Variants in ALPK1 observed in about 807,000 individuals in gnomAD.
ALPK1 encodes alpha kinase 1.
A neutral mutation model predicts 120.6 loss-of-function variants in ALPK1; 110 were observed. That is an observed-to-expected ratio of 0.91 (90% CI 0.78 to 1.07). The LOEUF is 1.07. Among genes scored for constraint, ALPK1 ranks in the 50% least tolerant of loss-of-function variants. The pLI is 0.00. For missense variants in ALPK1, 1,498 were observed against 1,483.9 expected (o/e 1.01, Z -0.16); for synonymous variants, 582 against 560.3 (o/e 1.04, Z -0.55).
chr4:112,357,643 C>A, intron 2 of ALPK1: 1 of 1,608,220 alleles, frequency 6.2e-7, no homozygotes. Context: ...CATCGACAAG[C>A]ACCAGATCTG....
rs556836912 is a variant in ALPK1, at chr4:112,306,673, A to T, written c.-152-9128A>T. On this transcript the variant is annotated intron_variant, in intron 1 of 15. Transcript: ENST00000650871. ...TTATTAGTCTTGCTAGTGGTCTATC[A>T]ATTTTGTTGATCTTTTCAAAAAACC... is the stretch of plus-strand genomic sequence containing the variant. 4.6e-4 allele frequency among the ~76,000 whole-genome samples: 68 copies of T among 148,852 alleles called. 1 individual carries two copies. Among genetic ancestry groups the T allele is most frequent in the African/African-American group, 1.6e-3 (65 of 40,366 alleles).
intron 2 of ALPK1, among the ~76,000 whole-genome samples, chr4:112,355,376 G>A (rs1730555140): frequency 6.6e-6 from 1 of 152,184 alleles, no homozygotes; most frequent in South Asian, 2.1e-4. Flanking sequence ...GCCAGTGGGG[G>A]AGACAGCGAC....
intron 1 of ALPK1, among the ~76,000 whole-genome samples, chr4:112,303,723 T>A (rs1165085216): frequency 6.6e-6 from 1 of 152,132 alleles, no homozygotes; most frequent in African/African-American, 2.4e-5. Context: ...ATCTTTTTTT[T>A]TTTTAATCAT....
intron 2 of ALPK1, among the ~76,000 whole-genome samples, chr4:112,331,321 G>T (rs1463282364): frequency 6.6e-6 from 1 of 152,062 alleles, no homozygotes; most frequent in Non-Finnish European, 1.5e-5. Flanking sequence ...TTTACATGGG[G>T]CACAAGTATT....
intron 2 of ALPK1, among the ~76,000 whole-genome samples, chr4:112,337,033 A>G (rs1393939897): frequency 1.3e-5 from 2 of 152,132 alleles, no homozygotes; most frequent in Admixed American, 6.5e-5. Context: ...ATAGTTTATT[A>G]TACTTCTAAA....
rs1035798520 is a variant in ALPK1 at position 112,304,646 on chromosome 4, A to G, written c.-153+7177A>G. Among the ~76,000 whole-genome samples the G allele has an allele frequency of 5.9e-5, 9 of 152,078 alleles. 1 individual carries two copies. Among genetic ancestry groups the G allele is most frequent in the Admixed American group, 3.3e-4 (5 of 15,280 alleles). Reference sequence around the variant, plus strand: ...TCCAAGTTCTTTGTAGATTCTGGATATTAGCCCTTTGTCAAATAAGTAGAT... The same window carrying G: ...TCCAAGTTCTTTGTAGATTCTGGATGTTAGCCCTTTGTCAAATAAGTAGAT... On this transcript the variant is annotated intron_variant, in intron 1 of 15. Coordinates refer to ENST00000650871, the MANE Select transcript of ALPK1 (RefSeq NM_025144.4).
At chr4:112,358,795 T>C in intron 2 of ALPK1, 4 of 827,600 alleles carry the variant, frequency 4.8e-6, no homozygotes, top group Non-Finnish European at 6.5e-6. Context: ...ATGGTGGCCA[T>C]GAAGTAGGAG....
chr4:112,350,882 T>C (rs1730324156), intron 2 of ALPK1, among the ~76,000 whole-genome samples: 1 of 152,198 alleles, frequency 6.6e-6, no homozygotes, highest in Non-Finnish European at 1.5e-5. Context: ...AGTATCATGA[T>C]AGTTCTGGAT....
At chr4:112,371,828 T>C (rs1731420493) in intron 2 of ALPK1, among the ~76,000 whole-genome samples, 1 of 152,198 alleles carries the variant, frequency 6.6e-6, no homozygotes, top group Admixed American at 6.5e-5. Context: ...TATGTAAGGG[T>C]TCTCAAAAGA....
chr4:112,417,586 A>G (rs1331483246), intron 5 of ALPK1, among the ~76,000 whole-genome samples: 3 of 152,150 alleles, frequency 2.0e-5, no homozygotes, highest in African/African-American at 7.2e-5. Context: ...TTCCAGGCCA[A>G]GCAATCCTCC....
At chr4:112,396,817 A>C (rs939460901) in intron 4 of ALPK1, among the ~76,000 whole-genome samples, 3 of 151,822 alleles carry the variant, frequency 2.0e-5, no homozygotes, top group Non-Finnish European at 2.9e-5. Context: ...TCACTCTGTC[A>C]CCCAGGCTGG....
chr4:112,428,004 G>A, intron 9 of ALPK1: 2 of 192,488 alleles, frequency 1.0e-5, no homozygotes, highest in South Asian at 2.5e-4. Flanking sequence ...TGATAAAGGG[G>A]TAATAATTTT....
At chr4:112,434,296 G>T (rs865995095) in intron 11 of ALPK1, among the ~76,000 whole-genome samples, 3 of 152,028 alleles carry the variant, frequency 2.0e-5, no homozygotes, top group Admixed American at 1.3e-4. Flanking sequence ...ATTTCCATCC[G>T]GCTTCTCTAA....
Position 112,311,835 on chromosome 4 carries a change from G to C in ALPK1, c.-152-3966G>C, listed in dbSNP as rs1327904933. Among the ~76,000 whole-genome samples the C allele has an allele frequency of 5.3e-5, 8 of 152,218 alleles. No homozygotes were observed. The East Asian group carries it at 1.5e-3, about 29-fold the overall frequency. ...GTTAGTTGTTTGTGTTAAGTAGGTCGGGGCAGGCAGAGTGGTGAGGATGTC... is the reference window on the plus strand; with the variant it reads ...GTTAGTTGTTTGTGTTAAGTAGGTCCGGGCAGGCAGAGTGGTGAGGATGTC... On this transcript the variant is annotated intron_variant, in intron 1 of 15. Transcript: ENST00000650871.
intron 5 of ALPK1, chr4:112,414,555 G>T: frequency 3.5e-6 from 1 of 288,986 alleles, no homozygotes; most frequent in South Asian, 3.1e-5. Context: ...TTGCAGTGAG[G>T]TGAGATCACA....
chr4:112,430,628 C>T lies in ALPK1; in HGVS notation c.1081C>T (p.Leu361Phe). ...LHSFVKAAFG[L>F]TTVHRRLHGE... ...CAGCTTTGTCAAAGCTGCTTTCGGTCTCACCACAGTGCACAGAAGGCTCCA... is the reference window on the plus strand; with the variant it reads ...CAGCTTTGTCAAAGCTGCTTTCGGTTTCACCACAGTGCACAGAAGGCTCCA... The change falls in exon 11 of 16, where the codon CTC becomes TTC. Residue 361 changes from leucine to phenylalanine, a missense_variant. Physicochemically the swap from Leu to Phe is conservative, Grantham distance 22. Coordinates refer to ENST00000650871, the MANE Select transcript of ALPK1 (RefSeq NM_025144.4). 1 of 1,614,130 alleles carries T rather than the reference C, an allele frequency of 6.2e-7. No homozygotes were observed. The highest frequency in any genetic ancestry group is 8.5e-7 in the Non-Finnish European group (1 of 1,180,016).
intron 2 of ALPK1, among the ~76,000 whole-genome samples, chr4:112,364,705 A>G (rs901288321): frequency 1.3e-5 from 2 of 152,216 alleles, no homozygotes; most frequent in Non-Finnish European, 2.9e-5. Flanking sequence ...AAATCATGCT[A>G]TGAACCCACT....
intron 3 of ALPK1, among the ~76,000 whole-genome samples, chr4:112,380,746 G>A (rs1349145289): frequency 1.3e-5 from 2 of 152,062 alleles, no homozygotes; most frequent in Admixed American, 1.3e-4. Flanking sequence ...GATGAACCTT[G>A]TCTTTTAATC....
chr4:112,356,806 C>G (rs1026168653), intron 2 of ALPK1: 4 of 730,500 alleles, frequency 5.5e-6, no homozygotes, highest in Admixed American at 3.5e-5. Flanking sequence ...TCATCCCATA[C>G]AGTTAGTTGT....
Sources: gnomAD v4.1 joint callset for allele counts (sites outside exome capture counted in the v4.1 genomes callset) on GRCh38, gnomAD v4.1.1 for gene constraint, MANE v1.5 for transcripts, NCBI Gene and HGNC (gene_info 2026-07-23, HGNC 2026-07-21) for gene names.